Variants in NRG1 observed in about 807,000 individuals in gnomAD.
The protein encoded by NRG1 is neuregulin 1.
A neutral mutation model predicts 63.8 loss-of-function variants in NRG1; 18 were observed. The observed-to-expected ratio is 0.28, with a 90% CI of 0.19 to 0.42. The LOEUF is 0.42. Ranked by LOEUF, NRG1 falls within the 10% of genes least tolerant of loss-of-function variation. The pLI is 1.00. For missense variants in NRG1, 762 were observed against 814.7 expected (o/e 0.94, Z 0.79); for synonymous variants, 302 against 301.3 (o/e 1.00, Z -0.02).
At chr8:32,548,864 T>C (rs73234136) in intron 1 of NRG1, 38 bp downstream of exon 1, 669,308 of 1,526,360 alleles carry the variant, frequency 0.44, 151,378 homozygotes, top group Admixed American at 0.52. Flanking sequence ...ACGATCCTCC[T>C]CCTGCTCCTC....
At chr8:31,775,610 G>A (rs761475900) in intron 1 of NRG1, among the ~76,000 whole-genome samples, 8 of 151,988 alleles carry the variant, frequency 5.3e-5, no homozygotes, top group East Asian at 1.9e-4. Flanking sequence ...TACTTTGGCC[G>A]GGTGCGGTGG....
intron 1 of NRG1, among the ~76,000 whole-genome samples, chr8:32,256,232 T>G (rs1254265696): frequency 1.3e-5 from 2 of 152,182 alleles, no homozygotes; most frequent in Non-Finnish European, 2.9e-5. Flanking sequence ...CCCTTGCTGG[T>G]GAGGAGTTTG....
rs1348298880 is a variant in NRG1 at position 31,640,572 on chromosome 8, C to T, written c.37+1141C>T. On this transcript the variant is annotated intron_variant, in intron 1 of 10. Transcript: ENST00000519301. This position sits in a 1 kb window ranked among gnomAD's most constrained non-coding sequence, Gnocchi z 6.3. ...GGGGCCACCCCGCCTTCCCCTCCTG[C>T]GGGAGGCTCAAGGAGGACAGCAGGT... 3.7e-6 allele frequency: 6 copies of T among 1,611,850 alleles called. No individual in the cohort carries two copies. The highest frequency in any genetic ancestry group is 3.4e-6 in the Non-Finnish European group (4 of 1,179,390).
In NRG1 at chr8:32,017,185, C is replaced by A. The variant is rs138026811; in HGVS notation, c.37+377754C>A. ...AGTACATTAAAAGTACCCAGAAAAGCCTTATCTCTGCATATTTTTGCAATT... is the reference window on the plus strand; with the variant it reads ...AGTACATTAAAAGTACCCAGAAAAGACTTATCTCTGCATATTTTTGCAATT... On this transcript the variant is annotated intron_variant, in intron 1 of 10. Transcript: ENST00000519301. Among the ~76,000 whole-genome samples the A allele has an allele frequency of 8.2e-3, 1,255 of 152,242 alleles. 20 individuals carry two copies. Among genetic ancestry groups the A allele is most frequent in the African/African-American group, 0.029 (1,194 of 41,548 alleles).
rs371169746 is a variant in NRG1, at chr8:32,267,113, G to A, written c.38-328715G>A. ...GAGAGAGAAAGGAAGGAAGGAAGGA[G>A]GGAAGGAAGGAAGGAAGGAGAAAGA... is the stretch of plus-strand genomic sequence containing the variant. On this transcript the variant is annotated intron_variant, in intron 1 of 10. Transcript: ENST00000519301. Among the ~76,000 whole-genome samples the A allele has an allele frequency of 6.8e-3, 922 of 136,150 alleles. 5 individuals carry two copies. The highest frequency in any genetic ancestry group is 0.023 in the African/African-American group (847 of 36,834). 89.3% of individuals were successfully genotyped at this position (136,150 alleles called of 152,430 possible).
intron 1 of NRG1, among the ~76,000 whole-genome samples, chr8:31,816,512 A>G (rs1341545932): frequency 2.0e-5 from 3 of 152,262 alleles, no homozygotes; most frequent in African/African-American, 7.2e-5. Flanking sequence ...TTTCCATATT[A>G]TTAATGCCTC....
intron 1 of NRG1, among the ~76,000 whole-genome samples, chr8:31,766,076 A>G (rs1818024831): frequency 6.6e-6 from 1 of 152,094 alleles, no homozygotes; most frequent in African/African-American, 2.4e-5. Context: ...CCGATATGAG[A>G]ACATACGAAG....
chr8:32,523,854 C>T (rs1361614669), intron 1 of NRG1, among the ~76,000 whole-genome samples: 1 of 151,940 alleles, frequency 6.6e-6, no homozygotes, highest in Non-Finnish European at 1.5e-5. Flanking sequence ...GAATAACTAA[C>T]TAACTAACTA....
chr8:31,912,963 G>T (rs1833072814), intron 1 of NRG1, among the ~76,000 whole-genome samples: 1 of 152,004 alleles, frequency 6.6e-6, no homozygotes, highest in Non-Finnish European at 1.5e-5. Flanking sequence ...AGGTAATTTA[G>T]CTAGATTTAG....
intron 1 of NRG1, among the ~76,000 whole-genome samples, chr8:32,369,355 G>T (rs1252492849): frequency 2.6e-5 from 4 of 152,160 alleles, no homozygotes; most frequent in African/African-American, 9.7e-5. Flanking sequence ...CATCTTTTTT[G>T]CCATGTTTGC....
At chr8:31,665,082 G>C (rs573053651) in intron 1 of NRG1, among the ~76,000 whole-genome samples, 1 of 152,164 alleles carries the variant, frequency 6.6e-6, no homozygotes, top group Non-Finnish European at 1.5e-5. Flanking sequence ...TCAAGGGTGG[G>C]TGGGACAGAG....
chr8:32,044,012 GAATA>G (rs1371579513), intron 1 of NRG1, among the ~76,000 whole-genome samples: 1 of 151,684 alleles, frequency 6.6e-6, no homozygotes, highest in Non-Finnish European at 1.5e-5. Context: ...ATGATTACCA[GAATA>G]AATAAAGAAA....
intron 1 of NRG1, among the ~76,000 whole-genome samples, chr8:31,975,729 A>G (rs1393874030): frequency 6.6e-6 from 1 of 152,158 alleles, no homozygotes; most frequent in East Asian, 1.9e-4. Flanking sequence ...AGACTTCTCC[A>G]CATGCTGTAT....
At chr8:32,632,506 G>C (rs988714658) in intron 5 of NRG1, among the ~76,000 whole-genome samples, 1 of 138,312 alleles carries the variant, frequency 7.2e-6, no homozygotes, top group Non-Finnish European at 1.5e-5. Flanking sequence ...CTGAGATCAC[G>C]CCATTGCACT....
At chr8:32,587,502 G>A (rs182555460) in intron 1 of NRG1, among the ~76,000 whole-genome samples, 9 of 152,154 alleles carry the variant, frequency 5.9e-5, no homozygotes, top group Admixed American at 3.3e-4. Context: ...ATGGCAGAGC[G>A]GCATAAGAGT....
chr8:32,339,395 T>C (rs2347070), intron 1 of NRG1, among the ~76,000 whole-genome samples: 10,791 of 152,150 alleles, frequency 0.071, 483 homozygotes, highest in Middle Eastern at 0.14. Flanking sequence ...AGAATAAGCA[T>C]CTCCATCCAT....
At chr8:32,731,844 A>G (rs1435210459) in intron 6 of NRG1, among the ~76,000 whole-genome samples, 3 of 152,204 alleles carry the variant, frequency 2.0e-5, no homozygotes, top group Non-Finnish European at 2.9e-5. Context: ...CTATCTGTCT[A>G]GAGCTAAGCA....
intron 1 of NRG1, among the ~76,000 whole-genome samples, chr8:32,127,359 C>T (rs1014108665): frequency 2.6e-5 from 4 of 151,824 alleles, no homozygotes; most frequent in Non-Finnish European, 5.9e-5. Flanking sequence ...GCTACGTGGT[C>T]TTGCAAAAGA....
chr8:32,528,192 A>G (rs1034414384), intron 1 of NRG1, among the ~76,000 whole-genome samples: 3 of 152,154 alleles, frequency 2.0e-5, no homozygotes, highest in African/African-American at 7.2e-5. Context: ...GTTATTCACT[A>G]TCTTCTTTTG....
Sources: gnomAD v4.1 joint callset for allele counts (sites outside exome capture counted in the v4.1 genomes callset) on GRCh38, gnomAD v4.1.1 for gene constraint, Gnocchi (gnomAD v3.1) non-coding constraint, MANE v1.5 for transcripts, NCBI Gene and HGNC (gene_info 2026-07-23, HGNC 2026-07-21) for gene names.